Variants in OPRM1 observed in about 807,000 individuals in gnomAD.
OPRM1 encodes mu-type opioid receptor.
In OPRM1, 27 loss-of-function variants were observed where a neutral mutation model predicts 31.8. The observed-to-expected ratio is 0.85, with a 90% CI of 0.63 to 1.17. The LOEUF (loss-of-function observed/expected upper bound fraction) is 1.17, where lower values mean the gene tolerates loss of function less well. Among genes scored for constraint, OPRM1 ranks in the 50% most tolerant of loss-of-function variants. OPRM1 has a pLI of 0.00. For missense variants in OPRM1, 536 were observed against 511.1 expected (o/e 1.05, Z -0.47); for synonymous variants, 196 against 189.9 (o/e 1.03, Z -0.26).
chr6:154,050,120 G>T (rs539763948), intron 1 of OPRM1, among the ~76,000 whole-genome samples: 1 of 152,238 alleles, frequency 6.6e-6, no homozygotes, highest in African/African-American at 2.4e-5. Flanking sequence ...CAGCAGTGTA[G>T]CCATCAGGTC....
intron 3 of OPRM1, among the ~76,000 whole-genome samples, chr6:154,242,697 G>A (rs1395225216): frequency 6.6e-6 from 1 of 152,120 alleles, no homozygotes; most frequent in Non-Finnish European, 1.5e-5. Context: ...GACTAGCCTG[G>A]CCAAGGTGGT....
At chr6:154,196,754 GT>G (rs1384108798) in intron 3 of OPRM1, among the ~76,000 whole-genome samples, 1 of 152,164 alleles carries the variant, frequency 6.6e-6, no homozygotes, top group Non-Finnish European at 1.5e-5. Context: ...ATTATGCTTT[GT>G]GAAAATAATC....
chr6:154,154,861 A>T (rs911763850), intron 3 of OPRM1: 1 of 152,620 alleles, frequency 6.6e-6, no homozygotes, highest in African/African-American at 2.4e-5. Flanking sequence ...TAAGATTTCC[A>T]CATTAATATC....
At chr6:154,055,695 C>T (rs1044624106) in intron 1 of OPRM1, among the ~76,000 whole-genome samples, 2 of 152,164 alleles carry the variant, frequency 1.3e-5, no homozygotes, top group Non-Finnish European at 2.9e-5. Context: ...CCAAAACCAT[C>T]GTGTCAAGGA....
chr6:154,098,126 T>C (rs1350304223), intron 3 of OPRM1, among the ~76,000 whole-genome samples: 1 of 152,220 alleles, frequency 6.6e-6, no homozygotes, highest in Admixed American at 6.5e-5. Flanking sequence ...AACTATTGAC[T>C]CCAGTTAAAT....
chr6:154,173,074 G>A (rs1056529720), intron 3 of OPRM1, among the ~76,000 whole-genome samples: 7 of 152,230 alleles, frequency 4.6e-5, no homozygotes, highest in African/African-American at 1.4e-4. Flanking sequence ...GCAGCTGAGG[G>A]TCCTGTCTGT....
At chr6:154,141,919 C>A (rs6557337) in intron 3 of OPRM1, among the ~76,000 whole-genome samples, 1 of 151,922 alleles carries the variant, frequency 6.6e-6, no homozygotes, top group Non-Finnish European at 1.5e-5. Context: ...TTCACATCTC[C>A]CAATCCACAA....
chr6:154,103,242 G>A (rs1795124608), intron 3 of OPRM1, among the ~76,000 whole-genome samples: 1 of 152,112 alleles, frequency 6.6e-6, no homozygotes, highest in Non-Finnish European at 1.5e-5. Context: ...AGAATCCCAA[G>A]TTTAATGGGA....
chr6:154,193,400 T>C (rs1802107546), intron 3 of OPRM1, among the ~76,000 whole-genome samples: 1 of 152,108 alleles, frequency 6.6e-6, no homozygotes, highest in African/African-American at 2.4e-5. Flanking sequence ...AGACTACAAG[T>C]TGGGTACAGT....
chr6:154,088,004 CT>C (rs1470313893), intron 1 of OPRM1, among the ~76,000 whole-genome samples: 4 of 151,872 alleles, frequency 2.6e-5, no homozygotes, highest in Non-Finnish European at 5.9e-5. Context: ...TATATAAAGA[CT>C]TGCACATGAA....
intron 1 of OPRM1, among the ~76,000 whole-genome samples, chr6:154,031,541 A>G (rs1779005162): frequency 6.6e-6 from 1 of 151,880 alleles, no homozygotes; most frequent in South Asian, 2.1e-4. Context: ...TCAAGGCCAG[A>G]CTGACCAAAA....
At chr6:154,022,091 A>G (rs1311755002) in intron 1 of OPRM1, among the ~76,000 whole-genome samples, 1 of 152,226 alleles carries the variant, frequency 6.6e-6, no homozygotes, top group Non-Finnish European at 1.5e-5. Flanking sequence ...CTTACCATTA[A>G]GTATGACGTT....
At chr6:154,224,163 G>A (rs1204960916) in intron 3 of OPRM1, among the ~76,000 whole-genome samples, 3 of 152,210 alleles carry the variant, frequency 2.0e-5, no homozygotes, top group Non-Finnish European at 4.4e-5. Context: ...GTTATTGGGA[G>A]ATGAGTAAAA....
At chr6:154,069,438 C>T (rs568227174) in intron 1 of OPRM1, among the ~76,000 whole-genome samples, 2 of 152,218 alleles carry the variant, frequency 1.3e-5, no homozygotes, top group South Asian at 4.1e-4. Context: ...AGGGTTTCAC[C>T]ATGTTGGCCA....
intron 3 of OPRM1, among the ~76,000 whole-genome samples, chr6:154,215,505 C>T (rs1778323607): frequency 6.6e-6 from 1 of 152,078 alleles, no homozygotes; most frequent in Non-Finnish European, 1.5e-5. Context: ...ACTCGGGAGT[C>T]TGAGGCAGGA....
chr6:154,039,542 A>C lies in OPRM1; in HGVS notation c.-3A>C, dbSNP rs201013311. Reference sequence around the variant, plus strand: ...CAGCGGTGCCCGCCCGGCCGTCAGTACCATGGACAGCAGCGCTGCCCCCAC... The same window carrying C: ...CAGCGGTGCCCGCCCGGCCGTCAGTCCCATGGACAGCAGCGCTGCCCCCAC... On this transcript the variant is annotated 5_prime_UTR_variant, in exon 1 of 4. Coordinates refer to ENST00000330432, the MANE Select transcript of OPRM1 (RefSeq NM_000914.5). 3.9e-5 allele frequency: 62 copies of C among 1,608,936 alleles called. No individual in the cohort carries two copies. In the Admixed American group the frequency reaches 1.0e-3, roughly 27 times the overall value.
intron 1 of OPRM1, among the ~76,000 whole-genome samples, chr6:154,085,137 C>T (rs1790224697): frequency 6.6e-6 from 1 of 152,118 alleles, no homozygotes; most frequent in Non-Finnish European, 1.5e-5. Context: ...AGGTCAAAAG[C>T]AATCACATTT....
intron 1 of OPRM1, among the ~76,000 whole-genome samples, chr6:154,055,851 C>G (rs550437614): frequency 1.3e-5 from 2 of 152,244 alleles, no homozygotes; most frequent in Admixed American, 1.3e-4. Flanking sequence ...ATTTTTGTTA[C>G]TTAAATCTTG....
At chr6:154,188,832 T>C (rs1312447198) in intron 3 of OPRM1, among the ~76,000 whole-genome samples, 1 of 152,152 alleles carries the variant, frequency 6.6e-6, no homozygotes, top group East Asian at 1.9e-4. Flanking sequence ...TGATATTGTA[T>C]CTCATTCATG....
Sources: gnomAD v4.1 joint callset for allele counts (sites outside exome capture counted in the v4.1 genomes callset) on GRCh38, gnomAD v4.1.1 for gene constraint, MANE v1.5 for transcripts, NCBI Gene and HGNC (gene_info 2026-07-23, HGNC 2026-07-21) for gene names.